Variants in GIN1 observed in about 807,000 individuals in gnomAD.
GIN1 encodes the protein gypsy retrotransposon integrase 1, also known as gypsy retrotransposon integrase-like protein 1.
GIN1 carries 41 observed loss-of-function variants against 51.4 expected under a neutral mutation model. That is an observed-to-expected ratio of 0.80 (90% CI 0.62 to 1.04). The LOEUF is 1.04. Among genes scored for constraint, GIN1 ranks in the 50% least tolerant of loss-of-function variants. The probability of loss-of-function intolerance (pLI) is 0.00; values close to 1 mark genes in which losing one functional copy is unlikely to be tolerated. For synonymous variants in GIN1, 222 were observed against 206.5 expected, an observed-to-expected ratio of 1.07 and a Z score of -0.64; for missense variants, 610 against 612.4, an observed-to-expected ratio of 1.00 and a Z score of 0.04.
chr5:103,091,815 A>C (rs1554194571), intron 7 of GIN1, among the ~76,000 whole-genome samples: 1 of 151,922 alleles, frequency 6.6e-6, no homozygotes, highest in African/African-American at 2.4e-5. Flanking sequence ...ACTTGATGTC[A>C]GGAGTTTGAG....
intron 1 of GIN1, among the ~76,000 whole-genome samples, chr5:103,111,917 GT>G (rs1787897035): frequency 1.3e-5 from 2 of 152,056 alleles, no homozygotes; most frequent in Admixed American, 6.6e-5. Flanking sequence ...GACACTGTTG[GT>G]TTTCCTATTT....
chr5:103,113,444 C>T (rs1554197089), intron 1 of GIN1, among the ~76,000 whole-genome samples: 1 of 151,800 alleles, frequency 6.6e-6, no homozygotes, highest in African/African-American at 2.4e-5. Context: ...TTCTCTCAGA[C>T]TCTTTAAAAT....
chr5:103,095,822 G>A (rs1392078350), intron 7 of GIN1, among the ~76,000 whole-genome samples: 2 of 152,134 alleles, frequency 1.3e-5, no homozygotes, highest in Non-Finnish European at 2.9e-5. Flanking sequence ...TACTTGGGAG[G>A]CTGAGGCACA....
At chr5:103,108,454 C>T in intron 2 of GIN1, 115 bp downstream of exon 2, 2 of 670,838 alleles carry the variant, frequency 3.0e-6, no homozygotes, top group Non-Finnish European at 5.1e-6. Context: ...ATCATCAATT[C>T]AACTGGTAAT....
intron 4 of GIN1, chr5:103,102,786 G>A (rs918349353): frequency 6.6e-5 from 10 of 152,070 alleles, no homozygotes; most frequent in Admixed American, 4.6e-4. Context: ...AGGCTAAGGT[G>A]GGGGTATCAC....
At chr5:103,109,152 T>C (rs139791821) in intron 1 of GIN1, among the ~76,000 whole-genome samples, 1 of 152,192 alleles carries the variant, frequency 6.6e-6, no homozygotes, top group African/African-American at 2.4e-5. Flanking sequence ...AATATATTCA[T>C]GGTTATTTCT....
In GIN1 at chr5:103,096,335, T is replaced by C. The variant is rs528550815; in HGVS notation, c.1294+206A>G. Among the ~76,000 whole-genome samples, 9 of 151,776 alleles carry C rather than the reference T, an allele frequency of 5.9e-5. No individual in the cohort carries two copies. The South Asian group carries it at 1.9e-3, about 31-fold the overall frequency. ...AGCTTGGGCAGAAAGAGGGAAACTCTGTCTCAAAAAAAAAATCTCACAGGC... is the reference window on the plus strand; with the variant it reads ...AGCTTGGGCAGAAAGAGGGAAACTCCGTCTCAAAAAAAAAATCTCACAGGC... On this transcript the variant is annotated intron_variant, in intron 7 of 7. Transcript: ENST00000399004.
At chr5:103,102,523 G>A (rs1459356205) in intron 4 of GIN1, 1 of 152,220 alleles carries the variant, frequency 6.6e-6, no homozygotes, top group Non-Finnish European at 1.5e-5. Flanking sequence ...AACAGGAAAT[G>A]AGGGTGGCAG....
rs1014221886 is a variant in GIN1 at position 103,097,636 on chromosome 5, T to C, written c.785A>G (p.Asp262Gly). 1.2e-6 allele frequency: 2 copies of C among 1,612,320 alleles called. No homozygotes were observed. The highest frequency in any genetic ancestry group is 1.1e-5 in the South Asian group (1 of 91,040). The change falls in exon 5 of 8, where the codon GAT (aspartate) becomes GGT (glycine). Residue 262 changes from aspartate (D) to glycine (G), a missense_variant. Transcript: ENST00000399004. ...KHCADHPNNW[D>G]DHLSAVSFAF... is the part of the protein sequence containing the mutation. Reference sequence around the variant, plus strand: ...AAATGAAACAGCTGATAGGTGATCATCCCAATTGTTTGGGTGGTCAGCACA... The same window carrying C: ...AAATGAAACAGCTGATAGGTGATCACCCCAATTGTTTGGGTGGTCAGCACA...
chr5:103,100,156 G>T (rs1787529369), intron 4 of GIN1, among the ~76,000 whole-genome samples: 1 of 150,664 alleles, frequency 6.6e-6, no homozygotes, highest in Admixed American at 6.6e-5. Flanking sequence ...ACCCAGGCTA[G>T]AGTGCATGAT....
At chr5:103,089,111 G>T (rs1477750367) in intron 7 of GIN1, among the ~76,000 whole-genome samples, 1 of 152,104 alleles carries the variant, frequency 6.6e-6, no homozygotes, top group Non-Finnish European at 1.5e-5. Flanking sequence ...AAAATTCTTA[G>T]GAACTTTTAA....
At chr5:103,113,197 T>A (rs1404800430) in intron 1 of GIN1, among the ~76,000 whole-genome samples, 2 of 152,178 alleles carry the variant, frequency 1.3e-5, no homozygotes, top group Non-Finnish European at 2.9e-5. Context: ...TATCAAAATA[T>A]TCACTTAACT....
chr5:103,118,846 T>A (rs1788197242), intron 1 of GIN1, among the ~76,000 whole-genome samples: 1 of 152,060 alleles, frequency 6.6e-6, no homozygotes, highest in Admixed American at 6.5e-5. Flanking sequence ...GATTGCTAAG[T>A]AAAGGTATCA....
At chr5:103,088,789 G>A (rs1787151467) in intron 7 of GIN1, among the ~76,000 whole-genome samples, 1 of 151,500 alleles carries the variant, frequency 6.6e-6, no homozygotes, top group South Asian at 2.1e-4. Flanking sequence ...GCAAAACCCT[G>A]TCTTAAAAAA....
chr5:103,091,398 T>G (rs149097774), intron 7 of GIN1, among the ~76,000 whole-genome samples: 1 of 152,318 alleles, frequency 6.6e-6, no homozygotes, highest in East Asian at 1.9e-4. Flanking sequence ...GAAAAGAATA[T>G]GATTAAACTT....
intron 1 of GIN1, among the ~76,000 whole-genome samples, chr5:103,110,576 A>T (rs1267646610): frequency 1.3e-5 from 2 of 152,150 alleles, no homozygotes; most frequent in African/African-American, 4.8e-5. Context: ...TAAAATTAAA[A>T]ACCAAAGACA....
intron 7 of GIN1, among the ~76,000 whole-genome samples, chr5:103,096,104 A>T (rs1787383302): frequency 6.6e-6 from 1 of 152,082 alleles, no homozygotes; most frequent in Non-Finnish European, 1.5e-5. Context: ...CACTTTGGGA[A>T]GTCAAGGCGG....
rs1554195253 is a variant in GIN1 at position 103,097,476 on chromosome 5, A to G, written c.846T>C (p.Asn282=). The change falls in exon 6 of 8, where the codon AAT becomes AAC. Residue 282 remains asparagine, a synonymous_variant. Transcript: ENST00000399004. ...GACTAAACATTTGAAAATATGGTGT[A>G]TTTTTAGTAGGTTCCTATTTTAAAG... ...FNVTHLEPTK[N]TPYFQMFSRN... The G allele has an allele frequency of 6.5e-7, 1 of 1,550,238 alleles. No individual in the cohort carries two copies. The highest frequency in any genetic ancestry group is 1.8e-5 in the Admixed American group (1 of 55,144).
rs141584755 is a variant in GIN1, at chr5:103,101,764, T to A, written c.639+2777A>T. On this transcript the variant is annotated intron_variant, in intron 4 of 7. Transcript: ENST00000399004. ...ATACCTTCACATAGCATGTGTGACATACATGTCTTGTTGATTGAGTCAGAA... is the reference window on the plus strand; with the variant it reads ...ATACCTTCACATAGCATGTGTGACAAACATGTCTTGTTGATTGAGTCAGAA... Among the ~76,000 whole-genome samples, 187 of 152,358 alleles carry A rather than the reference T, an allele frequency of 1.2e-3. 3 individuals carry two copies. Among genetic ancestry groups the A allele is most frequent in the South Asian group, 4.3e-3 (21 of 4,832 alleles).
Sources: allele counts gnomAD v4.1 joint callset (sites outside exome capture counted in the v4.1 genomes callset), GRCh38; gene constraint gnomAD v4.1.1; transcripts MANE v1.5; gene names NCBI Gene and HGNC (gene_info 2026-07-23, HGNC 2026-07-21).